DPYSL4: variants seen among roughly 807,000 people sequenced by gnomAD.
DPYSL4 encodes the protein dihydropyrimidinase like 4.
DPYSL4 carries 43 observed loss-of-function variants against 63.4 expected under a neutral mutation model. That is an observed-to-expected ratio of 0.68 (90% CI 0.53 to 0.88). DPYSL4 has a LOEUF of 0.88. Among genes scored for constraint, DPYSL4 ranks in the 40% least tolerant of loss-of-function variants. The probability of loss-of-function intolerance (pLI) is 0.00; values close to 1 mark genes in which losing one functional copy is unlikely to be tolerated. For missense variants in DPYSL4, 733 were observed against 819.5 expected, an observed-to-expected ratio of 0.89 and a Z score of 1.29; for synonymous variants, 353 against 331.7, an observed-to-expected ratio of 1.06 and a Z score of -0.70.
chr10:132,187,524 TGGCCCGGGCTG>T (rs950137463), intron 1 of DPYSL4, among the ~76,000 whole-genome samples: 5 of 151,924 alleles, frequency 3.3e-5, no homozygotes, highest in Admixed American at 2.0e-4. Flanking sequence ...GGCCCTTTGT[TGGCCCGGGCTG>T]GTCCGGGGCG....
chr10:132,198,783 C>T (rs911428371), intron 7 of DPYSL4, 68 bp from the exon 8 acceptor site: 6 of 1,587,414 alleles, frequency 3.8e-6, no homozygotes. Flanking sequence ...CTGGGCATCC[C>T]CATTGCCCAC....
intron 6 of DPYSL4, 29 bp downstream of exon 6, chr10:132,197,130 A>G (rs985075309): frequency 2.6e-5 from 38 of 1,467,814 alleles, no homozygotes; most frequent in Non-Finnish European, 3.4e-5. Context: ...GCCGTGGGGC[A>G]GGCACAGGGG....
chr10:132,193,195 C>T (rs913664433), intron 3 of DPYSL4, among the ~76,000 whole-genome samples: 6 of 152,202 alleles, frequency 3.9e-5, no homozygotes, highest in Non-Finnish European at 8.8e-5. Flanking sequence ...ATGCCAGATA[C>T]ATGTTTGACC....
intron 1 of DPYSL4, among the ~76,000 whole-genome samples, chr10:132,190,261 G>A (rs375947002): frequency 1.3e-5 from 2 of 152,204 alleles, no homozygotes; most frequent in Non-Finnish European, 2.9e-5. Context: ...GTCTGCCTCC[G>A]CCTCCTGGCA....
At position 132,192,642 on chromosome 10, in the gene DPYSL4, T is replaced by C; in HGVS notation, c.129-16T>C. 6.3e-7 allele frequency: 1 copy of C among 1,588,228 alleles called. No homozygotes were observed. The highest frequency in any genetic ancestry group is 2.3e-5 in the East Asian group (1 of 44,294). On this transcript the variant is annotated splice_polypyrimidine_tract_variant and intron_variant, in intron 2 of 13. Coordinates refer to ENST00000338492, the MANE Select transcript of DPYSL4 (RefSeq NM_006426.3). Reference sequence around the variant, plus strand: ...CCTGGGCTCCCTGTAACCAGTGAAATCTCTGCTGCTTTCAGACAAATCGGA... The same window carrying C: ...CCTGGGCTCCCTGTAACCAGTGAAACCTCTGCTGCTTTCAGACAAATCGGA...
rs1191790080 is a variant in DPYSL4 at position 132,205,216 on chromosome 10, G to A, written c.*286G>A. On this transcript the variant is annotated 3_prime_UTR_variant, in exon 14 of 14. Transcript: ENST00000338492. The stretch of plus-strand genomic sequence containing the variant: ...CCTGAGCCCAGGCACCCCAGTGCCC[G>A]CTGGGCCCAGCCTGGGGACAGGGAA... 2.5e-5 allele frequency: 7 copies of A among 281,530 alleles called. No individual in the cohort carries two copies. Among genetic ancestry groups the A allele is most frequent in the Non-Finnish European group, 4.0e-5 (6 of 151,110 alleles). 17.4% of individuals were successfully genotyped at this position (281,530 alleles called of 1,614,324 possible).
chr10:132,193,539 G>T (rs1279480292), intron 3 of DPYSL4, among the ~76,000 whole-genome samples: 2 of 152,358 alleles, frequency 1.3e-5, no homozygotes, highest in East Asian at 3.9e-4. Flanking sequence ...AGGCCTCAGA[G>T]CCTAGACCTT....
chr10:132,198,654 C>G (rs1290383195), intron 7 of DPYSL4, among the ~76,000 whole-genome samples, 171 bp downstream of exon 7: 1 of 152,216 alleles, frequency 6.6e-6, no homozygotes, highest in African/African-American at 2.4e-5. Flanking sequence ...TCCATCCCCC[C>G]ACAACCCTAC....
intron 7 of DPYSL4, 117 bp downstream of exon 7, chr10:132,198,600 C>G: frequency 3.4e-6 from 4 of 1,169,704 alleles, no homozygotes; most frequent in Non-Finnish European, 4.8e-6. Context: ...TCGCCCCGAC[C>G]TCATCTGGGA....
rs762781240 is a variant in DPYSL4, at chr10:132,194,846, G to A, written c.315G>A (p.Leu105=). The change falls in exon 4 of 14, where the codon TTG becomes TTA. Residue 105 remains leucine, a splice_region_variant and synonymous_variant. Transcript: ENST00000338492. ...CTGCTGACCATGCTGCCTTCACAGT[G>A]GACCACGTCTTCCCCGACACGGGTG... ...AALAGGTTMI[L]DHVFPDTGVS... is the part of the protein sequence containing the mutation. The A allele has an allele frequency of 1.2e-5, 20 of 1,612,144 alleles. No individual in the cohort carries two copies. The highest frequency in any genetic ancestry group is 1.7e-5 in the Non-Finnish European group (20 of 1,179,552).
intron 10 of DPYSL4, among the ~76,000 whole-genome samples, chr10:132,201,673 C>G (rs1255177688): frequency 2.0e-5 from 3 of 152,254 alleles, no homozygotes; most frequent in Non-Finnish European, 4.4e-5. Flanking sequence ...CTGTCCTGAT[C>G]TTGGCTGCCT....
At chr10:132,187,704 G>A (rs1418535808) in intron 1 of DPYSL4, among the ~76,000 whole-genome samples, 1 of 152,234 alleles carries the variant, frequency 6.6e-6, no homozygotes. Context: ...CCTGGGTTCA[G>A]CGACTCCAAG....
At chr10:132,194,022 G>T (rs1054604095) in intron 3 of DPYSL4, among the ~76,000 whole-genome samples, 6 of 152,282 alleles carry the variant, frequency 3.9e-5, no homozygotes, top group African/African-American at 4.8e-5. Context: ...CCTCGTGCCA[G>T]TGCCAAGGCA....
At position 132,205,646 on chromosome 10, in the gene DPYSL4, T is replaced by A. The variant is rs571193450; in HGVS notation, c.*716T>A. 6.6e-6 allele frequency: 1 copy of A among 152,284 alleles called. No homozygotes were observed. Among genetic ancestry groups the A allele is most frequent in the Admixed American group, 6.5e-5 (1 of 15,284 alleles). 9.4% of individuals were successfully genotyped at this position (152,284 alleles called of 1,614,324 possible). A position where few individuals can be genotyped will look rare whatever the true frequency, so the allele number is the denominator to read the frequency against. On this transcript the variant is annotated 3_prime_UTR_variant, in exon 14 of 14. Transcript: ENST00000338492. ...TTTCCGTAGGCTTCTTAGTAGCAGC[T>A]TTGTACACTGAGGACACTGTAGCCA...
intron 3 of DPYSL4, among the ~76,000 whole-genome samples, chr10:132,194,244 C>G (rs2061912459): frequency 6.6e-6 from 1 of 152,266 alleles, no homozygotes; most frequent in African/African-American, 2.4e-5. Context: ...GTGCGCCCTC[C>G]TGTCCGACCA....
rs1302800141 is a variant in DPYSL4, at chr10:132,203,746, C to G, written c.1462-16C>G. 2 of 1,592,974 alleles carry G rather than the reference C, an allele frequency of 1.3e-6. No individual in the cohort carries two copies. The highest frequency in any genetic ancestry group is 1.7e-6 in the Non-Finnish European group (2 of 1,166,646). On this transcript the variant is annotated splice_polypyrimidine_tract_variant and intron_variant, in intron 12 of 13. Coordinates refer to ENST00000338492, the MANE Select transcript of DPYSL4 (RefSeq NM_006426.3). ...CAGCCCCTCATGCCCTGTCTCTGCC[C>G]CCACCCCCCCGGCAGCTGGCGGAGA...
In DPYSL4 at chr10:132,194,699, T is replaced by G; in HGVS notation, c.314-146T>G. The G allele has an allele frequency of 3.0e-6, 3 of 1,011,050 alleles. No homozygotes were observed. In the East Asian group the frequency reaches 7.4e-5, roughly 25 times the overall value. 62.6% of individuals were successfully genotyped at this position (1,011,050 alleles called of 1,614,324 possible). ...GAACGGGTTCGTGGCAGCGTCATCCTCTCTCAGGGGCCGGTGGCCTCTGCT... is the reference window on the plus strand; with the variant it reads ...GAACGGGTTCGTGGCAGCGTCATCCGCTCTCAGGGGCCGGTGGCCTCTGCT... On this transcript the variant is annotated intron_variant, in intron 3 of 13. Coordinates refer to ENST00000338492, the MANE Select transcript of DPYSL4 (RefSeq NM_006426.3).
At chr10:132,200,267 G>A in intron 8 of DPYSL4, 89 bp from the exon 9 acceptor site, 1 of 1,495,780 alleles carries the variant, frequency 6.7e-7, no homozygotes, top group South Asian at 1.2e-5. Flanking sequence ...AAAGTGAGGG[G>A]CAGTCGTGGG....
At chr10:132,196,807 C>T (rs1010774303) in intron 4 of DPYSL4, 54 bp from the exon 5 acceptor site, 15 of 1,598,872 alleles carry the variant, frequency 9.4e-6, no homozygotes, top group South Asian at 3.3e-5. Flanking sequence ...GCAGAGGCTC[C>T]GTAGGTTGTC....
Sources: allele counts gnomAD v4.1 joint callset (sites outside exome capture counted in the v4.1 genomes callset), GRCh38; gene constraint gnomAD v4.1.1; transcripts MANE v1.5; gene names NCBI Gene and HGNC (gene_info 2026-07-23, HGNC 2026-07-21).